Variants in PRRX1 observed in about 807,000 individuals in gnomAD.
PRRX1 encodes paired mesoderm homeobox protein 1.
PRRX1 carries 8 observed loss-of-function variants against 24.0 expected under a neutral mutation model. The ratio of observed to expected loss-of-function variants is 0.33; its 90% CI spans 0.20 to 0.60. The LOEUF (loss-of-function observed/expected upper bound fraction) is 0.60. Ranked by LOEUF, PRRX1 falls within the 20% of genes least tolerant of loss-of-function variation. The probability of loss-of-function intolerance (pLI) is 0.82; values close to 1 mark genes in which losing one functional copy is unlikely to be tolerated. For missense variants in PRRX1, 281 were observed against 322.4 expected (o/e 0.87, Z 0.98); for synonymous variants, 160 against 131.7 (o/e 1.22, Z -1.47).
chr1:170,702,402 C>T (rs1170423452), intron 1 of PRRX1, among the ~76,000 whole-genome samples: 2 of 152,126 alleles, frequency 1.3e-5, no homozygotes, highest in African/African-American at 2.4e-5. Flanking sequence ...CCTTTCAAGC[C>T]TCTAATAACC....
At chr1:170,716,615 C>T (rs1262256037) in intron 1 of PRRX1, among the ~76,000 whole-genome samples, 7 of 152,134 alleles carry the variant, frequency 4.6e-5, no homozygotes, top group Non-Finnish European at 7.4e-5. Context: ...TTCATGTTTC[C>T]GCTGGTTATT....
At chr1:170,704,432 A>G (rs1429024672) in intron 1 of PRRX1, among the ~76,000 whole-genome samples, 1 of 152,228 alleles carries the variant, frequency 6.6e-6, no homozygotes, top group Non-Finnish European at 1.5e-5. Context: ...TGAGACCACA[A>G]AAAACACACT....
At chr1:170,678,504 TAA>T (rs1392562262) in intron 1 of PRRX1, among the ~76,000 whole-genome samples, 1 of 152,228 alleles carries the variant, frequency 6.6e-6, no homozygotes, top group Non-Finnish European at 1.5e-5. Flanking sequence ...CCCAACATGC[TAA>T]GTGAGTGTTA....
intron 1 of PRRX1, among the ~76,000 whole-genome samples, chr1:170,679,422 C>T (rs146430456): frequency 0.013 from 1,966 of 151,622 alleles, 38 homozygotes; most frequent in African/African-American, 0.045. Context: ...TTATTTGAGA[C>T]GGAGTCTGGC....
At chr1:170,686,915 CCT>C (rs1653763412) in intron 1 of PRRX1, among the ~76,000 whole-genome samples, 1 of 151,848 alleles carries the variant, frequency 6.6e-6, no homozygotes, top group African/African-American at 2.4e-5. Context: ...TTATGCCTTG[CCT>C]CTCTCCATTA....
At chr1:170,733,601 ATTCCAGC>A (rs1655510427) in intron 3 of PRRX1, among the ~76,000 whole-genome samples, 1 of 152,132 alleles carries the variant, frequency 6.6e-6, no homozygotes, top group African/African-American at 2.4e-5. Flanking sequence ...ACAACTCCTA[ATTCCAGC>A]TTCTCTTCTA....
chr1:170,674,723 C>T (rs970817866), intron 1 of PRRX1, among the ~76,000 whole-genome samples: 1 of 151,556 alleles, frequency 6.6e-6, no homozygotes, highest in Non-Finnish European at 1.5e-5. Context: ...CTCCCCTCCT[C>T]CCCATCTCTG....
chr1:170,721,463 T>C (rs983930994), intron 2 of PRRX1, among the ~76,000 whole-genome samples: 2 of 152,156 alleles, frequency 1.3e-5, no homozygotes, highest in African/African-American at 4.8e-5. Flanking sequence ...GGGAGACCAC[T>C]GTGGAGTTGA....
At position 170,677,190 on chromosome 1, in the gene PRRX1, T is replaced by G. The variant is rs1653350795; in HGVS notation, c.241+12731T>G. On this transcript the variant is annotated intron_variant, in intron 1 of 3. Coordinates refer to ENST00000239461, the MANE Select transcript of PRRX1 (RefSeq NM_022716.4). ...TATGTTGGATTCAGAAAATTCTGTG[T>G]TAAATTATGGTTCCACCATTCATTA... 2.0e-5 allele frequency among the ~76,000 whole-genome samples: 3 copies of G among 152,244 alleles called. No individual in the cohort carries two copies. The South Asian group carries it at 6.2e-4, about 31-fold the overall frequency.
intron 1 of PRRX1, among the ~76,000 whole-genome samples, chr1:170,708,005 T>C (rs1440078190): frequency 6.6e-6 from 1 of 152,218 alleles, no homozygotes; most frequent in Non-Finnish European, 1.5e-5. Context: ...TCCTTAACCT[T>C]GATTATCTTC....
At chr1:170,715,860 T>A (rs1042615324) in intron 1 of PRRX1, among the ~76,000 whole-genome samples, 3 of 152,232 alleles carry the variant, frequency 2.0e-5, no homozygotes, top group African/African-American at 7.2e-5. Flanking sequence ...AAAATCTGTC[T>A]TTCCTATAAA....
At chr1:170,671,937 G>A (rs1306663811) in intron 1 of PRRX1, among the ~76,000 whole-genome samples, 1 of 152,156 alleles carries the variant, frequency 6.6e-6, no homozygotes, top group Admixed American at 6.5e-5. Context: ...ATGGAGAAGT[G>A]GCTGGTATTA....
intron 1 of PRRX1, among the ~76,000 whole-genome samples, chr1:170,697,549 C>T (rs1487308994): frequency 6.6e-6 from 1 of 151,358 alleles, no homozygotes; most frequent in African/African-American, 2.4e-5. Context: ...TTGCATTATT[C>T]AAAGGCACTT....
At chr1:170,672,232 G>T (rs1653166725) in intron 1 of PRRX1, among the ~76,000 whole-genome samples, 2 of 152,168 alleles carry the variant, frequency 1.3e-5, no homozygotes, top group African/African-American at 4.8e-5. Context: ...AACCCCTTCT[G>T]TAAATTTAGG....
upstream of PRRX1, chr1:170,663,892 G>T: frequency 3.4e-6 from 1 of 292,688 alleles, no homozygotes; most frequent in Non-Finnish European, 6.4e-6. Flanking sequence ...CTCCTGACTT[G>T]AACATAGGGT....
intron 1 of PRRX1, among the ~76,000 whole-genome samples, chr1:170,666,722 G>A (rs770635831): frequency 2.0e-5 from 3 of 152,142 alleles, no homozygotes; most frequent in South Asian, 4.1e-4. Flanking sequence ...CAAGCCAGCC[G>A]TGGTGGCCCT....
intron 1 of PRRX1, among the ~76,000 whole-genome samples, chr1:170,673,260 G>T (rs1402987837): frequency 6.6e-6 from 1 of 152,042 alleles, no homozygotes; most frequent in Non-Finnish European, 1.5e-5. Context: ...ATTCAAACTG[G>T]GAGGTAACAT....
At chr1:170,732,339 A>C (rs1453374788) in intron 3 of PRRX1, among the ~76,000 whole-genome samples, 1 of 152,224 alleles carries the variant, frequency 6.6e-6, no homozygotes, top group Non-Finnish European at 1.5e-5. Context: ...AAACAATTTC[A>C]TATTGGCAGC....
intron 2 of PRRX1, among the ~76,000 whole-genome samples, chr1:170,725,797 T>A (rs1655237381): frequency 6.6e-6 from 1 of 152,236 alleles, no homozygotes; most frequent in South Asian, 2.1e-4. Context: ...AATATAATTA[T>A]TATGAAAGCA....
Sources: gnomAD v4.1 joint callset for allele counts (sites outside exome capture counted in the v4.1 genomes callset) on GRCh38, gnomAD v4.1.1 for gene constraint, MANE v1.5 for transcripts, NCBI Gene and HGNC (gene_info 2026-07-23, HGNC 2026-07-21) for gene names.